The following DNAJB14 variants were observed in gnomAD, a reference collection of about 807,000 sequenced individuals.
The protein encoded by DNAJB14 is dnaJ homolog subfamily B member 14.
A neutral mutation model predicts 48.4 loss-of-function variants in DNAJB14; 22 were observed. The ratio of observed to expected loss-of-function variants is 0.45; its 90% CI spans 0.32 to 0.65. The LOEUF is 0.65. Among genes scored for constraint, DNAJB14 ranks in the 30% least tolerant of loss-of-function variants. DNAJB14 has a pLI of 0.03. For missense variants in DNAJB14, 319 were observed against 458.8 expected (o/e 0.70, Z 2.78); for synonymous variants, 142 against 158.7 (o/e 0.89, Z 0.79).
rs754985263 is a variant in DNAJB14 at position 99,908,803 on chromosome 4, T to G, written c.545A>C (p.Asn182Thr). Residue 182 changes from asparagine to threonine, a missense_variant, in exon 4 of 8, where the codon AAC (asparagine) becomes ACC (threonine). Asn to Thr is a moderately conservative substitution (Grantham distance 65, BLOSUM62 0). This residue lies in a region of DNAJB14 where 166 missense variants were observed against 236.3 expected (regional missense o/e 0.70). Coordinates refer to ENST00000442697, the MANE Select transcript of DNAJB14 (RefSeq NM_001031723.4). ...GNEEQACNHQ[N>T]NGRFNFHRGC... ...TCTATGGAAATTAAATCTGCCATTGTTTTGGTGGTTACATGCTTGTTCTTC... is the reference window on the plus strand; with the variant it reads ...TCTATGGAAATTAAATCTGCCATTGGTTTGGTGGTTACATGCTTGTTCTTC... The G allele has an allele frequency of 6.2e-7, 1 of 1,612,528 alleles. No individual in the cohort carries two copies. Among genetic ancestry groups the G allele is most frequent in the Admixed American group, 1.7e-5 (1 of 59,898 alleles).
chr4:99,900,983 G>T lies in DNAJB14; in HGVS notation c.*45C>A. The T allele has an allele frequency of 6.4e-7, 1 of 1,566,406 alleles. No homozygotes were observed. The highest frequency in any genetic ancestry group is 8.6e-7 in the Non-Finnish European group (1 of 1,161,056). On this transcript the variant is annotated 3_prime_UTR_variant, in exon 8 of 8. Transcript: ENST00000442697. ...CATGATGAAACCAAACTTACTTACAGAAAAAATAAAGAGTACGCTAAAAGG... is the reference window on the plus strand; with the variant it reads ...CATGATGAAACCAAACTTACTTACATAAAAAATAAAGAGTACGCTAAAAGG...
At chr4:99,923,606 A>C in intron 2 of DNAJB14, 8 of 967,688 alleles carry the variant, frequency 8.3e-6, no homozygotes, top group Non-Finnish European at 8.6e-6. Context: ...ACATTCCAAA[A>C]ATTTTGTTCT....
intron 1 of DNAJB14, among the ~76,000 whole-genome samples, chr4:99,938,695 A>G (rs1726779513): frequency 6.6e-6 from 1 of 152,194 alleles, no homozygotes; most frequent in Non-Finnish European, 1.5e-5. Context: ...TATTATTTGT[A>G]TTAAGTTTGA....
intron 4 of DNAJB14, among the ~76,000 whole-genome samples, chr4:99,906,910 T>A (rs1476314091): frequency 2.0e-5 from 3 of 152,190 alleles, no homozygotes; most frequent in Non-Finnish European, 4.4e-5. Context: ...TAGTTGTGAT[T>A]AGTTGTTTTT....
Position 99,898,197 on chromosome 4 carries a change from G to A in DNAJB14, c.*2831C>T, listed in dbSNP as rs1725187052. The A allele has an allele frequency of 6.6e-6, 1 of 151,930 alleles. No individual in the cohort carries two copies. Among genetic ancestry groups the A allele is most frequent in the African/African-American group, 2.4e-5 (1 of 41,428 alleles). 9.4% of individuals were successfully genotyped at this position (151,930 alleles called of 1,614,324 possible). On this transcript the variant is annotated 3_prime_UTR_variant, in exon 8 of 8. Coordinates refer to ENST00000442697, the MANE Select transcript of DNAJB14 (RefSeq NM_001031723.4). ...TGGTATTCCACATTCCTGTTCCTATGAACACCTGAGCTGGCACAAAAGCTG... is the reference window on the plus strand; with the variant it reads ...TGGTATTCCACATTCCTGTTCCTATAAACACCTGAGCTGGCACAAAAGCTG...
At chr4:99,933,018 T>C (rs1464403891) in intron 1 of DNAJB14, among the ~76,000 whole-genome samples, 1 of 152,180 alleles carries the variant, frequency 6.6e-6, no homozygotes, top group African/African-American at 2.4e-5. Flanking sequence ...GAGTGACTGC[T>C]AAAGAGTAAT....
At chr4:99,934,333 T>C (rs1437027997) in intron 1 of DNAJB14, among the ~76,000 whole-genome samples, 1 of 151,666 alleles carries the variant, frequency 6.6e-6, no homozygotes, top group African/African-American at 2.4e-5. Context: ...TGATACAAAA[T>C]TATAAGAAAA....
intron 3 of DNAJB14, among the ~76,000 whole-genome samples, chr4:99,914,064 C>T (rs1158707735): frequency 6.6e-6 from 1 of 152,050 alleles, no homozygotes; most frequent in African/African-American, 2.4e-5. Flanking sequence ...CCCACTCATT[C>T]GGGAAATAAT....
rs1553944897 is a variant in DNAJB14 at position 99,897,201 on chromosome 4, A to AAATAT, written c.*3826_*3827insATATT. 218 of 133,822 alleles carry AAATAT rather than the reference A, an allele frequency of 1.6e-3. 1 individual carries two copies. The highest frequency in any genetic ancestry group is 5.3e-3 in the African/African-American group (187 of 35,318). 8.3% of individuals were successfully genotyped at this position (133,822 alleles called of 1,614,324 possible). On this transcript the variant is annotated 3_prime_UTR_variant, in exon 8 of 8. Coordinates refer to ENST00000442697, the MANE Select transcript of DNAJB14 (RefSeq NM_001031723.4). The stretch of plus-strand genomic sequence containing the variant: ...TAATTAGCTGGGAAAAAAAAAAAAA[A>AAATAT]ATATATATATATATATATACACCTA...
rs1726429957 is a variant in DNAJB14, at chr4:99,930,574, G to A, written c.181C>T (p.Pro61Ser). Residue 61 changes from proline to serine, a missense_variant, in exon 2 of 8, where the codon CCT (proline) becomes TCT (serine). By Grantham distance (74) the Pro-to-Ser change is moderately conservative. Around this residue, in one of 3 missense-constraint regions of DNAJB14, gnomAD observed 116 missense variants for 134.6 expected, o/e 0.86. Transcript: ENST00000442697. ...MKNGSTAGNSPHCRKPSGSGD... is the reference protein window; with the variant it reads ...MKNGSTAGNSSHCRKPSGSGD... ...CTACCTGATGGTTTTCGGCAATGAG[G>A]GCTATTTCCAGCCGTGCTTCCATTT... 6.2e-7 allele frequency: 1 copy of A among 1,611,716 alleles called. No individual in the cohort carries two copies. The highest frequency in any genetic ancestry group is 8.5e-7 in the Non-Finnish European group (1 of 1,178,720).
At chr4:99,932,231 A>G (rs1271846770) in intron 1 of DNAJB14, among the ~76,000 whole-genome samples, 3 of 152,134 alleles carry the variant, frequency 2.0e-5, no homozygotes, top group African/African-American at 7.2e-5. Flanking sequence ...CAGAATGGAA[A>G]AAAAAATGTT....
rs1170546784 is a variant in DNAJB14, at chr4:99,898,014, G to A, written c.*3014C>T. On this transcript the variant is annotated 3_prime_UTR_variant, in exon 8 of 8. Transcript: ENST00000442697. ...CATAGGAATCCATTAAGTAACATTA[G>A]CATGTCATGTGTTAAATAGCTTCAT... 1 of 151,924 alleles carries A rather than the reference G, an allele frequency of 6.6e-6. No homozygotes were observed. Among genetic ancestry groups the A allele is most frequent in the Non-Finnish European group, 1.5e-5 (1 of 67,858 alleles). The allele number at this position is 151,924 out of a possible 1,614,324, so 9.4% of individuals were successfully genotyped here. A position where few individuals can be genotyped will look rare whatever the true frequency, so the allele number is the denominator to read the frequency against.
rs113858849 is a variant in DNAJB14 at position 99,924,788 on chromosome 4, A to C, written c.306-1603T>G. 6.5e-4 allele frequency: 1,039 copies of C among 1,603,746 alleles called. 13 individuals are homozygous for C. The African/African-American group carries it at 0.012, about 18-fold the overall frequency. ...GTGTTAGGTACAGGTCCACCATCCC[A>C]TATCAATGTTCCAATATCCATAAAG... On this transcript the variant is annotated intron_variant, in intron 2 of 7. Transcript: ENST00000442697.
At position 99,930,639 on chromosome 4, in the gene DNAJB14, A is replaced by G. The variant is rs377678959; in HGVS notation, c.134-18T>C. On this transcript the variant is annotated intron_variant, in intron 1 of 7. Transcript: ENST00000442697. The stretch of plus-strand genomic sequence containing the variant: ...CAATAGTGCTGTAGAAAGATAAAGT[A>G]CACTATGCCTGTTTACATCAACGTA... 5.6e-6 allele frequency: 9 copies of G among 1,598,874 alleles called. No individual in the cohort carries two copies. The highest frequency in any genetic ancestry group is 2.7e-5 in the African/African-American group (2 of 74,446).
At chr4:99,934,649 C>T (rs1415487571) in intron 1 of DNAJB14, among the ~76,000 whole-genome samples, 3 of 150,918 alleles carry the variant, frequency 2.0e-5, no homozygotes, top group Non-Finnish European at 4.4e-5. Flanking sequence ...AAAAATTAGC[C>T]GGGCGTGATG....
At chr4:99,938,051 A>C (rs1027632104) in intron 1 of DNAJB14, among the ~76,000 whole-genome samples, 1 of 137,838 alleles carries the variant, frequency 7.3e-6, no homozygotes, top group African/African-American at 2.7e-5. Flanking sequence ...TGAGGTCAGG[A>C]GTTCGAGACC....
chr4:99,902,206 C>A (rs985994884), intron 7 of DNAJB14, among the ~76,000 whole-genome samples: 1 of 152,028 alleles, frequency 6.6e-6, no homozygotes, highest in African/African-American at 2.4e-5. Context: ...AATATTCTTT[C>A]CATTATTTCA....
intron 3 of DNAJB14, among the ~76,000 whole-genome samples, chr4:99,915,723 T>C (rs1725830725): frequency 6.6e-6 from 1 of 152,224 alleles, no homozygotes; most frequent in Non-Finnish European, 1.5e-5. Context: ...CGGTATGTTG[T>C]ATAAATGTTG....
At chr4:99,928,476 CCA>C in intron 2 of DNAJB14, 6 of 372,832 alleles carry the variant, frequency 1.6e-5, no homozygotes, top group Non-Finnish European at 2.8e-5. Flanking sequence ...CTTTGGAGAA[CCA>C]CACACACAAC....
Sources: gnomAD v4.1 joint callset for allele counts (sites outside exome capture counted in the v4.1 genomes callset) on GRCh38, gnomAD v4.1.1 for gene constraint, gnomAD v4.1.1 regional missense constraint, MANE v1.5 for transcripts, NCBI Gene and HGNC (gene_info 2026-07-23, HGNC 2026-07-21) for gene names.